MMRN1: variants seen among roughly 807,000 people sequenced by gnomAD.
MMRN1 encodes multimerin-1.
MMRN1 carries 94 observed loss-of-function variants against 100.7 expected under a neutral mutation model. That is an observed-to-expected ratio of 0.93 (90% confidence interval 0.79 to 1.11). The LOEUF is 1.11. MMRN1 is among the 50% of genes least tolerant of loss of function. MMRN1 has a pLI of 0.00. For missense variants in MMRN1, 1,606 were observed against 1,439.1 expected (o/e 1.12, Z -1.88); for synonymous variants, 575 against 505.0 (o/e 1.14, Z -1.86).
intron 3 of MMRN1, among the ~76,000 whole-genome samples, chr4:89,920,488 G>A (rs1722054084): frequency 6.6e-6 from 1 of 152,094 alleles, no homozygotes; most frequent in African/African-American, 2.4e-5. Flanking sequence ...ATATCTGCAT[G>A]AGGAAATCAG....
In MMRN1 at chr4:89,935,752, T is replaced by C; in HGVS notation, c.2072T>C (p.Ile691Thr). Residue 691 changes from isoleucine (I) to threonine (T), a missense_variant, in exon 6 of 8, where the codon ATT (isoleucine) becomes ACT (threonine). Physicochemically the swap from Ile to Thr is moderately conservative, Grantham distance 89. Coordinates refer to ENST00000264790, the MANE Select transcript of MMRN1 (RefSeq NM_007351.3). ...LTSAVNSLNF[I>T]IKELTKRHNL... ...AGTGCTGTCAATAGTCTAAATTTTA[T>C]TATCAAAGAACTTACAAAAAGACAC... The C allele has an allele frequency of 1.2e-6, 2 of 1,611,922 alleles. No individual in the cohort carries two copies. Among genetic ancestry groups the C allele is most frequent in the Non-Finnish European group, 1.7e-6 (2 of 1,179,336 alleles).
intron 6 of MMRN1, among the ~76,000 whole-genome samples, chr4:89,939,388 A>G (rs1240702136): frequency 6.6e-6 from 1 of 152,158 alleles, no homozygotes; most frequent in Non-Finnish European, 1.5e-5. Context: ...CTTAATTTTA[A>G]TAACTGATAA....
At chr4:89,921,003 A>C (rs1722069986) in intron 3 of MMRN1, among the ~76,000 whole-genome samples, 1 of 152,142 alleles carries the variant, frequency 6.6e-6, no homozygotes, top group Non-Finnish European at 1.5e-5. Context: ...TATGTGTTAT[A>C]ATAAAAGTTA....
In MMRN1 at chr4:89,936,388, T is replaced by G. The variant is rs1300053115; in HGVS notation, c.2708T>G (p.Phe903Cys). 1 of 1,609,332 alleles carries G rather than the reference T, an allele frequency of 6.2e-7. No homozygotes were observed. Among genetic ancestry groups the G allele is most frequent in the South Asian group, 1.1e-5 (1 of 89,562 alleles). Residue 903 changes from phenylalanine to cysteine, a missense_variant, in exon 6 of 8, where the codon TTT becomes TGT. Physicochemically the swap from Phe to Cys is radical, Grantham distance 205 (BLOSUM62 -2). Transcript: ENST00000264790. ...CAACTGCAAGTATTAAATTCCAGAT[T>G]TAAGGCGTTGGAAGCAAAATCTATC... ...ALQLQVLNSR[F>C]KALEAKSIHL...
At chr4:89,911,312 C>A (rs1223759987) in intron 2 of MMRN1, among the ~76,000 whole-genome samples, 1 of 151,356 alleles carries the variant, frequency 6.6e-6, no homozygotes, top group East Asian at 1.9e-4. Flanking sequence ...TTCTTTTCTG[C>A]TGTTCTATGG....
chr4:89,951,609 G>A lies in MMRN1; in HGVS notation c.3123G>A (p.Glu1041=), dbSNP rs1723177039. 6.6e-7 allele frequency: 1 copy of A among 1,504,002 alleles called. No homozygotes were observed. The highest frequency in any genetic ancestry group is 1.5e-5 in the African/African-American group (1 of 68,912). The allele number at this position is 1,504,002 out of a possible 1,614,324, so 93.2% of individuals were successfully genotyped here. Residue 1041 remains glutamate, a synonymous_variant, in exon 7 of 8, where the codon GAG becomes GAA. Transcript: ENST00000264790. ...TTGATTCTTTTTCCGTAACAGAGGA[G>A]TATTCAAGCTGTAGTCGGCATCCGT... The part of the protein sequence containing the change: ...RNTDNIIYPE[E]YSSCSRHPCQ...
At position 89,909,407 on chromosome 4, in the gene MMRN1, T is replaced by G; in HGVS notation, c.743+12T>G. 6.2e-7 allele frequency: 1 copy of G among 1,607,656 alleles called. No homozygotes were observed. The highest frequency in any genetic ancestry group is 8.5e-7 in the Non-Finnish European group (1 of 1,176,534). On this transcript the variant is annotated intron_variant, in intron 2 of 7. Transcript: ENST00000264790. Reference sequence around the variant, plus strand: ...TCCTGTCCTCAGAGGTATGTAATATTTCTTGAAAATAGCCACTGTTTTTGC... The same window carrying G: ...TCCTGTCCTCAGAGGTATGTAATATGTCTTGAAAATAGCCACTGTTTTTGC...
Position 89,895,490 on chromosome 4 carries a change from C to T in MMRN1, c.519C>T (p.Gly173=), listed in dbSNP as rs61741915. The part of the protein sequence containing the change: ...GGIGGVGGTG[G]VGNRAPRETY... ...TTGGAGGCGTTGGAGGCACTGGAGGCGTGGGAAATCGAGCCCCACGGGAAA... is the reference window on the plus strand; with the variant it reads ...TTGGAGGCGTTGGAGGCACTGGAGGTGTGGGAAATCGAGCCCCACGGGAAA... The change falls in exon 1 of 8, where the codon GGC becomes GGT. Residue 173 remains glycine, a synonymous_variant. Coordinates refer to ENST00000264790, the MANE Select transcript of MMRN1 (RefSeq NM_007351.3). The T allele has an allele frequency of 3.1e-3, 5,051 of 1,613,716 alleles. 116 individuals are homozygous for T. The African/African-American group carries it at 0.053, about 17-fold the overall frequency.
chr4:89,916,571 T>C (rs1211818304), intron 3 of MMRN1, among the ~76,000 whole-genome samples: 2 of 151,682 alleles, frequency 1.3e-5, no homozygotes, highest in African/African-American at 2.4e-5. Context: ...TTTATATATA[T>C]TATTTTCATA....
intron 1 of MMRN1, among the ~76,000 whole-genome samples, chr4:89,899,945 A>G (rs77284582): frequency 0.022 from 3,399 of 152,150 alleles, 53 homozygotes; most frequent in Middle Eastern, 0.061. Context: ...CATTTAAGTC[A>G]GATTAATGCA....
chr4:89,884,256 T>G (rs1720885088), intron 1 of MMRN1, among the ~76,000 whole-genome samples: 1 of 152,164 alleles, frequency 6.6e-6, no homozygotes, highest in Non-Finnish European at 1.5e-5. Flanking sequence ...TAAGATTAAT[T>G]AATATTGTAT....
chr4:89,893,139 T>C (rs1000951818), upstream of MMRN1, among the ~76,000 whole-genome samples: 2 of 152,040 alleles, frequency 1.3e-5, no homozygotes, highest in African/African-American at 4.8e-5. Flanking sequence ...TCATTGCTCT[T>C]TTGCTCTTTT....
In MMRN1 at chr4:89,920,589, T is replaced by C. The variant is rs543594029; in HGVS notation, c.851-2579T>C. Among the ~76,000 whole-genome samples, 7 of 152,272 alleles carry C rather than the reference T, an allele frequency of 4.6e-5. No homozygotes were observed. The East Asian group carries it at 1.4e-3, about 29-fold the overall frequency. Reference sequence around the variant, plus strand: ...CTCAAGGTTTTCATTTCTTAAACTTTATTAAATCTGTCTTCAACACACACC... The same window carrying C: ...CTCAAGGTTTTCATTTCTTAAACTTCATTAAATCTGTCTTCAACACACACC... On this transcript the variant is annotated intron_variant, in intron 3 of 7. Transcript: ENST00000264790.
chr4:89,928,326 C>T (rs1220715587), intron 5 of MMRN1, among the ~76,000 whole-genome samples: 4 of 152,074 alleles, frequency 2.6e-5, no homozygotes, highest in Non-Finnish European at 4.4e-5. Flanking sequence ...TAGCTAGTTG[C>T]ATGGTTGTCT....
intron 1 of MMRN1, among the ~76,000 whole-genome samples, chr4:89,885,546 G>T (rs924171969): frequency 4.6e-5 from 7 of 152,018 alleles, no homozygotes; most frequent in Non-Finnish European, 1.0e-4. Context: ...AAGCCATTTT[G>T]ATCTGGAGCT....
At position 89,936,867 on chromosome 4, in the gene MMRN1, A is replaced by C. The variant is rs1347473922; in HGVS notation, c.3118+69A>C. 1.7e-5 allele frequency: 23 copies of C among 1,386,318 alleles called. No homozygotes were observed. In the South Asian group the frequency reaches 2.2e-4, roughly 13 times the overall value. The allele number at this position is 1,386,318 out of a possible 1,614,324, so 85.9% of individuals were successfully genotyped here. On this transcript the variant is annotated intron_variant, in intron 6 of 7. Coordinates refer to ENST00000264790, the MANE Select transcript of MMRN1 (RefSeq NM_007351.3). The stretch of plus-strand genomic sequence containing the variant: ...TAAATGATATTTAATAGATCTGTAC[A>C]GTTGAGCAAGACCATTAAACATAAA...
At chr4:89,937,809 G>C (rs1276259649) in intron 6 of MMRN1, among the ~76,000 whole-genome samples, 1 of 152,050 alleles carries the variant, frequency 6.6e-6, no homozygotes, top group East Asian at 1.9e-4. Context: ...CAGAATAGTG[G>C]TACCATTAAC....
chr4:89,927,758 A>T (rs757596389), intron 4 of MMRN1, 37 bp from the exon 5 acceptor site: 10 of 1,578,840 alleles, frequency 6.3e-6, no homozygotes, highest in Non-Finnish European at 5.2e-6. Flanking sequence ...GTCAAAATAT[A>T]TTTTTTAATG....
intron 6 of MMRN1, among the ~76,000 whole-genome samples, chr4:89,942,847 TA>T (rs912742378): frequency 6.6e-5 from 10 of 152,316 alleles, no homozygotes; most frequent in African/African-American, 2.4e-4. Context: ...AAACTACACT[TA>T]TTTTTTTACT....
Sources: gnomAD v4.1 joint callset for allele counts (sites outside exome capture counted in the v4.1 genomes callset) on GRCh38, gnomAD v4.1.1 for gene constraint, MANE v1.5 for transcripts, NCBI Gene and HGNC (gene_info 2026-07-23, HGNC 2026-07-21) for gene names.